WWP1: variants seen among roughly 807,000 people sequenced by gnomAD.
The protein encoded by WWP1 is NEDD4-like E3 ubiquitin-protein ligase WWP1.
Under a neutral mutation model 130.6 loss-of-function variants are expected in WWP1, and 49 were observed. The ratio of observed to expected loss-of-function variants is 0.38; its 90% CI spans 0.30 to 0.48. The LOEUF (loss-of-function observed/expected upper bound fraction) is 0.48. WWP1 is among the 20% of genes least tolerant of loss of function. WWP1 has a pLI of 0.99. For missense variants in WWP1, 809 were observed against 1,100.6 expected, an observed-to-expected ratio of 0.74 and a Z score of 3.75; for synonymous variants, 332 against 367.8, an observed-to-expected ratio of 0.90 and a Z score of 1.11.
chr8:86,379,700 T>A (rs1824871779), intron 3 of WWP1, among the ~76,000 whole-genome samples: 1 of 152,230 alleles, frequency 6.6e-6, no homozygotes, highest in Non-Finnish European at 1.5e-5. Flanking sequence ...TTTAAGCTTT[T>A]ATTTGAAAAT....
chr8:86,385,971 G>A (rs1401008997), intron 5 of WWP1, among the ~76,000 whole-genome samples: 1 of 152,088 alleles, frequency 6.6e-6, no homozygotes, highest in African/African-American at 2.4e-5. Flanking sequence ...TTAATTTCTG[G>A]TGGTACCCTG....
chr8:86,425,205 T>A lies in WWP1; in HGVS notation c.1062-18T>A. ...TAGTGTGTTGTCTCTTACTGTTATT[T>A]TTGTATTTTTATTAAAGGTGGGAAC... On this transcript the variant is annotated intron_variant, in intron 9 of 24. Transcript: ENST00000517970. The A allele has an allele frequency of 6.3e-7, 1 of 1,593,690 alleles. No homozygotes were observed. The highest frequency in any genetic ancestry group is 8.5e-7 in the Non-Finnish European group (1 of 1,170,956).
intron 18 of WWP1, among the ~76,000 whole-genome samples, chr8:86,446,233 C>T (rs560068531): frequency 4.6e-5 from 7 of 152,220 alleles, no homozygotes; most frequent in Admixed American, 6.5e-5. Context: ...CCGCCAACCT[C>T]GGCCTCCCCA....
At chr8:86,431,086 TA>T (rs1809941113) in intron 12 of WWP1, among the ~76,000 whole-genome samples, 1 of 137,400 alleles carries the variant, frequency 7.3e-6, no homozygotes, top group African/African-American at 2.7e-5. Flanking sequence ...AAGGGATATA[TA>T]TATGTATTAT....
chr8:86,457,559 T>C (rs6471349), intron 21 of WWP1, among the ~76,000 whole-genome samples: 95,274 of 151,462 alleles, frequency 0.63, 30,833 homozygotes, highest in African/African-American at 0.78. Context: ...ACACACACAT[T>C]TAGATATAAA....
At chr8:86,386,155 C>T (rs1004773658) in intron 5 of WWP1, among the ~76,000 whole-genome samples, 1 of 152,136 alleles carries the variant, frequency 6.6e-6, no homozygotes, top group Non-Finnish European at 1.5e-5. Context: ...TGCTGGGTCT[C>T]CTGTACTGAA....
Position 86,427,560 on chromosome 8 carries a change from A to C in WWP1, c.1158-83A>C. 3.6e-6 allele frequency: 5 copies of C among 1,388,922 alleles called. 1 individual carries two copies. Among genetic ancestry groups the C allele is most frequent in the Non-Finnish European group, 4.9e-6 (5 of 1,028,478 alleles). 86.0% of individuals were successfully genotyped at this position (1,388,922 alleles called of 1,614,324 possible). A position where few individuals can be genotyped will look rare whatever the true frequency, so the allele number is the denominator to read the frequency against. ...GTTATTTTAACATGTCTTGAACTTG[A>C]TATTTAAATTGAGTGAAGTAATAAC... On this transcript the variant is annotated intron_variant, in intron 10 of 24. Coordinates refer to ENST00000517970, the MANE Select transcript of WWP1 (RefSeq NM_007013.4).
At chr8:86,427,872 C>CTTTTT in intron 11 of WWP1, 55 bp downstream of exon 11, 1 of 1,247,580 alleles carries the variant, frequency 8.0e-7, no homozygotes, top group Non-Finnish European at 1.1e-6. Context: ...GTGTTTCTTT[C>CTTTTT]TTTTTTTTTT....
At chr8:86,422,747 A>G (rs982737985) in intron 9 of WWP1, among the ~76,000 whole-genome samples, 1 of 152,172 alleles carries the variant, frequency 6.6e-6, no homozygotes, top group Non-Finnish European at 1.5e-5. Context: ...CGGGAATCAC[A>G]GAAGAAAAAA....
At chr8:86,381,870 C>T (rs1825004821) in intron 5 of WWP1, among the ~76,000 whole-genome samples, 1 of 152,184 alleles carries the variant, frequency 6.6e-6, no homozygotes, top group Non-Finnish European at 1.5e-5. Context: ...CAGTGACTAT[C>T]AGTCATTTAT....
At chr8:86,440,347 A>G (rs1810523904) in intron 17 of WWP1, among the ~76,000 whole-genome samples, 1 of 152,222 alleles carries the variant, frequency 6.6e-6, no homozygotes, top group African/African-American at 2.4e-5. Flanking sequence ...CAAATGGTTT[A>G]TTAAAGAGTT....
intron 23 of WWP1, 182 bp from the exon 24 acceptor site, chr8:86,461,592 T>A: frequency 3.1e-6 from 2 of 643,034 alleles, no homozygotes; most frequent in Non-Finnish European, 5.5e-6. Flanking sequence ...TTCCCAATGA[T>A]CTAATTCTTA....
intron 1 of WWP1, among the ~76,000 whole-genome samples, chr8:86,353,097 T>C (rs1362626945): frequency 2.0e-5 from 3 of 152,194 alleles, no homozygotes; most frequent in African/African-American, 7.2e-5. Context: ...GTAGGTTGGT[T>C]GGGGGCATGA....
chr8:86,446,946 TTC>T (rs554868921), intron 18 of WWP1, among the ~76,000 whole-genome samples: 172 of 152,334 alleles, frequency 1.1e-3, no homozygotes, highest in African/African-American at 3.8e-3. Flanking sequence ...TTCTGGTTGC[TTC>T]TGTTTCCTCT....
At chr8:86,392,660 A>C (rs1418230059) in intron 5 of WWP1, among the ~76,000 whole-genome samples, 1 of 152,150 alleles carries the variant, frequency 6.6e-6, no homozygotes, top group African/African-American at 2.4e-5. Context: ...ATTTGGTTTT[A>C]TTTTATAATT....
chr8:86,376,370 A>T (rs1249965433), intron 3 of WWP1, among the ~76,000 whole-genome samples: 1 of 152,114 alleles, frequency 6.6e-6, no homozygotes, highest in Non-Finnish European at 1.5e-5. Flanking sequence ...GGAGTTTGTG[A>T]CTGGCCTGGC....
chr8:86,361,670 T>C (rs1314912276), intron 1 of WWP1, among the ~76,000 whole-genome samples: 1 of 152,158 alleles, frequency 6.6e-6, no homozygotes, highest in Admixed American at 6.5e-5. Flanking sequence ...TCCTTTCCAC[T>C]TCTTTCCTTT....
intron 21 of WWP1, among the ~76,000 whole-genome samples, chr8:86,457,571 C>T (rs1289681990): frequency 6.6e-6 from 1 of 151,082 alleles, no homozygotes; most frequent in African/African-American, 2.4e-5. Context: ...AGATATAAAT[C>T]TATATATATA....
chr8:86,355,984 G>C lies in WWP1; in HGVS notation c.-114-12955G>C, dbSNP rs551388033. ...CAGACTTACTAGTTTCATGGCCCTG[G>C]GCAATTTACTTCAACCTAATTTTTC... On this transcript the variant is annotated intron_variant, in intron 1 of 24. Coordinates refer to ENST00000517970, the MANE Select transcript of WWP1 (RefSeq NM_007013.4). Among the ~76,000 whole-genome samples, 13 of 152,208 alleles carry C rather than the reference G, an allele frequency of 8.5e-5. No homozygotes were observed. In the South Asian group the frequency reaches 2.5e-3, roughly 29 times the overall value.
Sources: gnomAD v4.1 joint callset for allele counts (sites outside exome capture counted in the v4.1 genomes callset) on GRCh38, gnomAD v4.1.1 for gene constraint, MANE v1.5 for transcripts, NCBI Gene and HGNC (gene_info 2026-07-23, HGNC 2026-07-21) for gene names.